Variants in TRPM3 observed in about 807,000 individuals in gnomAD.
TRPM3 encodes the protein long transient receptor potential channel 3.
Under a neutral mutation model 181.2 loss-of-function variants are expected in TRPM3, and 77 were observed. The ratio of observed to expected loss-of-function variants is 0.42; its 90% confidence interval spans 0.35 to 0.51. TRPM3 has a LOEUF of 0.51. Ranked by LOEUF, TRPM3 falls within the 20% of genes least tolerant of loss-of-function variation. The pLI is 0.01. For synonymous variants in TRPM3, 745 were observed against 796.4 expected, an observed-to-expected ratio of 0.94 and a Z score of 1.09; for missense variants, 1,759 against 2,196.7, an observed-to-expected ratio of 0.80 and a Z score of 3.98.
intron 1 of TRPM3, among the ~76,000 whole-genome samples, chr9:71,207,595 T>C (rs10780997): frequency 0.97 from 148,035 of 152,238 alleles, 72,060 homozygotes; most frequent in East Asian, 1. Flanking sequence ...TATCATTTGG[T>C]TAATTCATCA....
At chr9:71,247,852 A>C (rs563869836) in intron 1 of TRPM3, among the ~76,000 whole-genome samples, 2 of 152,318 alleles carry the variant, frequency 1.3e-5, no homozygotes, top group South Asian at 4.1e-4. Flanking sequence ...TAAAACAAGG[A>C]GGTCCAGAGA....
chr9:71,043,026 G>A (rs1024733213), intron 1 of TRPM3, among the ~76,000 whole-genome samples: 5 of 152,226 alleles, frequency 3.3e-5, no homozygotes, highest in Non-Finnish European at 7.3e-5. Context: ...TGCATTTGGA[G>A]GAAAGCAGTC....
chr9:70,777,607 G>A (rs143431155), intron 7 of TRPM3, among the ~76,000 whole-genome samples: 35 of 152,152 alleles, frequency 2.3e-4, no homozygotes, highest in African/African-American at 7.0e-4. Flanking sequence ...AAAAACTGCC[G>A]TGGTATTTTC....
At chr9:70,808,427 G>T (rs1213659565) in intron 6 of TRPM3, among the ~76,000 whole-genome samples, 3 of 152,156 alleles carry the variant, frequency 2.0e-5, no homozygotes, top group Non-Finnish European at 4.4e-5. Flanking sequence ...AAAAAAGGGA[G>T]GTCTTTAGCT....
At chr9:70,959,640 G>A (rs1302700304) in intron 1 of TRPM3, among the ~76,000 whole-genome samples, 1 of 152,096 alleles carries the variant, frequency 6.6e-6, no homozygotes, top group African/African-American at 2.4e-5. Context: ...GAATATTTAT[G>A]TTTTCCTTCT....
At chr9:70,891,925 G>A (rs963916057) in intron 1 of TRPM3, among the ~76,000 whole-genome samples, 14 of 152,124 alleles carry the variant, frequency 9.2e-5, no homozygotes, top group African/African-American at 2.9e-4. Context: ...TGCCTTAGGC[G>A]CTTACCATAT....
At chr9:71,199,860 G>A (rs1270884967) in intron 1 of TRPM3, among the ~76,000 whole-genome samples, 1 of 151,662 alleles carries the variant, frequency 6.6e-6, no homozygotes, top group African/African-American at 2.4e-5. Context: ...GGTTTTTTGT[G>A]TCTCTATTTC....
chr9:71,210,561 T>C (rs1768311915), intron 1 of TRPM3, among the ~76,000 whole-genome samples: 1 of 152,082 alleles, frequency 6.6e-6, no homozygotes, highest in Non-Finnish European at 1.5e-5. Flanking sequence ...CTTCCTTACT[T>C]CCAAGAGGCC....
chr9:71,269,195 A>C (rs2083606809), intron 1 of TRPM3, among the ~76,000 whole-genome samples: 1 of 152,256 alleles, frequency 6.6e-6, no homozygotes, highest in African/African-American at 2.4e-5. Flanking sequence ...ACAAGGCTCT[A>C]AAAAGCACAA....
chr9:71,125,372 G>C (rs574608194), upstream of TRPM3, among the ~76,000 whole-genome samples: 1 of 151,974 alleles, frequency 6.6e-6, no homozygotes, highest in South Asian at 2.1e-4. Context: ...ACAGGCCCCC[G>C]TATGTGTTGT....
intron 24 of TRPM3, among the ~76,000 whole-genome samples, chr9:70,550,431 T>A (rs1231897932): frequency 6.6e-6 from 1 of 152,216 alleles, no homozygotes; most frequent in Non-Finnish European, 1.5e-5. Flanking sequence ...CAATGAGCCA[T>A]TGTTGAGCTC....
chr9:70,876,381 A>G (rs984777471), intron 1 of TRPM3, among the ~76,000 whole-genome samples: 2 of 151,028 alleles, frequency 1.3e-5, no homozygotes, highest in Non-Finnish European at 3.0e-5. Context: ...TCACAATTCA[A>G]ATGTAGGTAT....
chr9:71,015,927 T>C (rs549602527), intron 1 of TRPM3, among the ~76,000 whole-genome samples: 15 of 152,136 alleles, frequency 9.9e-5, no homozygotes, highest in African/African-American at 3.4e-4. Context: ...CCGGGCACGG[T>C]GGCTTACACC....
intron 1 of TRPM3, among the ~76,000 whole-genome samples, chr9:71,066,369 A>G (rs1260913214): frequency 1.3e-5 from 2 of 152,186 alleles, no homozygotes; most frequent in South Asian, 2.1e-4. Flanking sequence ...TTTTCATACC[A>G]AGAGATAAAA....
intron 1 of TRPM3, among the ~76,000 whole-genome samples, chr9:71,396,066 A>C (rs1174504202): frequency 6.6e-6 from 1 of 152,214 alleles, no homozygotes; most frequent in East Asian, 1.9e-4. Flanking sequence ...TGTGGTCTTA[A>C]TTCTATGATC....
At chr9:70,559,278 C>T (rs552210989) in intron 22 of TRPM3, among the ~76,000 whole-genome samples, 41 of 152,268 alleles carry the variant, frequency 2.7e-4, no homozygotes, top group African/African-American at 9.4e-4. Flanking sequence ...AATGTCAGGC[C>T]ACATTCTGTG....
intron 9 of TRPM3, among the ~76,000 whole-genome samples, chr9:70,678,688 G>T (rs142361343): frequency 6.6e-6 from 1 of 152,088 alleles, no homozygotes. Flanking sequence ...CTCAGATTCC[G>T]CAGAATAAAA....
intron 1 of TRPM3, among the ~76,000 whole-genome samples, chr9:71,114,609 G>A (rs771990796): frequency 3.9e-4 from 59 of 152,138 alleles, no homozygotes; most frequent in Non-Finnish European, 5.7e-4. Flanking sequence ...AAGGTTGTGC[G>A]GTGGAGGTGG....
intron 1 of TRPM3, among the ~76,000 whole-genome samples, chr9:70,954,897 A>G (rs1283635905): frequency 6.6e-6 from 1 of 152,232 alleles, no homozygotes; most frequent in East Asian, 1.9e-4. Flanking sequence ...AAAGCAGAAG[A>G]AAAGCAGCCT....
Sources: allele counts gnomAD v4.1 joint callset (sites outside exome capture counted in the v4.1 genomes callset), GRCh38; gene constraint gnomAD v4.1.1; transcripts MANE v1.5; gene names NCBI Gene and HGNC (gene_info 2026-07-23, HGNC 2026-07-21).